The following ZFHX3 variants were observed in gnomAD, a reference collection of about 807,000 sequenced individuals.
ZFHX3 encodes zinc finger homeobox 3.
In ZFHX3, 42 loss-of-function variants were observed where a neutral mutation model predicts 279.1. The ratio of observed to expected loss-of-function variants is 0.15; its 90% CI spans 0.12 to 0.19. ZFHX3 has a LOEUF of 0.19. Among genes scored for constraint, ZFHX3 ranks in the 10% least tolerant of loss-of-function variants. The pLI is 1.00. For missense variants in ZFHX3, 4,981 were observed against 4,754.0 expected (o/e 1.05, Z -1.40); for synonymous variants, 2,293 against 1,957.8 (o/e 1.17, Z -4.52).
chr16:72,795,207 C>T lies in ZFHX3; in HGVS notation c.7475G>A (p.Cys2492Tyr), dbSNP rs1219548362. ...QPPPQAPPPQ[C>Y]PLPQSSPSPS... The stretch of plus-strand genomic sequence containing the variant: ...ACTGGGGCTCGACTGGGGTAAGGGG[C>T]ACTGTGGAGGGGGCGCTTGTGGAGG... The change falls in exon 9 of 10, where the codon TGC becomes TAC. Residue 2492 changes from cysteine to tyrosine, a missense_variant. Coordinates refer to ENST00000268489, the MANE Select transcript of ZFHX3 (RefSeq NM_006885.4). 1 of 1,605,990 alleles carries T rather than the reference C, an allele frequency of 6.2e-7. No homozygotes were observed. Among genetic ancestry groups the T allele is most frequent in the East Asian group, 2.2e-5 (1 of 44,786 alleles).
At chr16:73,523,302 T>C (rs955119380) in intron 2 of ZFHX3, among the ~76,000 whole-genome samples, 32 of 152,220 alleles carry the variant, frequency 2.1e-4, no homozygotes, top group Non-Finnish European at 3.1e-4. Flanking sequence ...TGAGATCTCT[T>C]CCCACTCCAA....
At chr16:73,698,071 A>C (rs2053214005) in intron 1 of ZFHX3, among the ~76,000 whole-genome samples, 1 of 152,172 alleles carries the variant, frequency 6.6e-6, no homozygotes, top group African/African-American at 2.4e-5. Flanking sequence ...AACATAGGAA[A>C]TGATAAAGTT....
At chr16:73,317,004 C>T (rs961003625) in intron 4 of ZFHX3, among the ~76,000 whole-genome samples, 1 of 152,280 alleles carries the variant, frequency 6.6e-6, no homozygotes, top group South Asian at 2.1e-4. Flanking sequence ...GACAGAGGAA[C>T]TTGGAGACTA....
intron 1 of ZFHX3, among the ~76,000 whole-genome samples, chr16:73,841,443 C>T (rs1961305104): frequency 6.6e-6 from 1 of 152,128 alleles, no homozygotes; most frequent in Non-Finnish European, 1.5e-5. Context: ...TCCAGGAAGA[C>T]ACCTGGGCTT....
At chr16:73,881,894 C>T (rs979699760) in intron 1 of ZFHX3, among the ~76,000 whole-genome samples, 1 of 152,082 alleles carries the variant, frequency 6.6e-6, no homozygotes, top group Non-Finnish European at 1.5e-5. Flanking sequence ...ACCTGCCCCG[C>T]AGCTCCCCTC....
chr16:73,548,143 G>A (rs1242926913), intron 2 of ZFHX3, among the ~76,000 whole-genome samples: 1 of 152,166 alleles, frequency 6.6e-6, no homozygotes, highest in African/African-American at 2.4e-5. Context: ...TAATTTTGTA[G>A]TTATCTAAAT....
At chr16:73,025,761 C>G (rs566629581) in intron 1 of ZFHX3, among the ~76,000 whole-genome samples, 1 of 152,254 alleles carries the variant, frequency 6.6e-6, no homozygotes, top group South Asian at 2.1e-4. Flanking sequence ...GGCCTGCTCT[C>G]CCTGTCTATA....
At position 73,180,314 on chromosome 16, in the gene ZFHX3, T is replaced by C. The variant is rs115955008; in HGVS notation, c.-1103-36483A>G. 3.8e-3 allele frequency among the ~76,000 whole-genome samples: 582 copies of C among 152,262 alleles called. 1 individual carries two copies. Among genetic ancestry groups the C allele is most frequent in the African/African-American group, 0.014 (561 of 41,548 alleles). ...AGGGCTCATACCCATTCACAAGGAA[T>C]CCTCTTATTTCATTCTTCTCTTTAT... On this transcript the variant is annotated intron_variant, in intron 5 of 17. Coordinates refer to the ZFHX3 transcript ENST00000641206.
At chr16:72,938,377 C>T (rs1295518434) in intron 3 of ZFHX3, among the ~76,000 whole-genome samples, 1 of 152,260 alleles carries the variant, frequency 6.6e-6, no homozygotes, top group African/African-American at 2.4e-5. Context: ...TAATTAGTCT[C>T]CCCTCAGCGG....
intron 5 of ZFHX3, among the ~76,000 whole-genome samples, chr16:72,817,520 G>A (rs2036647085): frequency 6.6e-6 from 1 of 152,098 alleles, no homozygotes; most frequent in Non-Finnish European, 1.5e-5. Flanking sequence ...CCAACATACT[G>A]GTAGAATTAG....
intron 5 of ZFHX3, among the ~76,000 whole-genome samples, chr16:73,206,011 A>G (rs1158847730): frequency 1.3e-5 from 2 of 152,226 alleles, no homozygotes; most frequent in Non-Finnish European, 2.9e-5. Flanking sequence ...TGAGGTTTTA[A>G]AAATGAACTT....
At chr16:73,098,601 A>G (rs1011062256) in intron 7 of ZFHX3, 3 of 152,194 alleles carry the variant, frequency 2.0e-5, no homozygotes, top group Non-Finnish European at 4.4e-5. Flanking sequence ...ACCTCAGGCG[A>G]TCCTCCTACC....
At chr16:72,876,994 A>T (rs2038331928) in intron 4 of ZFHX3, among the ~76,000 whole-genome samples, 1 of 152,218 alleles carries the variant, frequency 6.6e-6, no homozygotes, top group Admixed American at 6.5e-5. Flanking sequence ...ACTATTTCCC[A>T]ATTAGCCCTG....
intron 2 of ZFHX3, among the ~76,000 whole-genome samples, chr16:73,498,817 C>T (rs1487221129): frequency 1.3e-5 from 2 of 152,158 alleles, no homozygotes; most frequent in African/African-American, 4.8e-5. Flanking sequence ...GGGGCAACTA[C>T]TAAAAAGAGG....
chr16:72,852,747 T>A (rs1489113037), intron 4 of ZFHX3, among the ~76,000 whole-genome samples: 2 of 152,224 alleles, frequency 1.3e-5, no homozygotes, highest in Non-Finnish European at 2.9e-5. Context: ...TGTTGAATGC[T>A]CAAGAGTGGC....
chr16:73,849,256 T>C (rs897304252), intron 1 of ZFHX3, among the ~76,000 whole-genome samples: 7 of 152,224 alleles, frequency 4.6e-5, no homozygotes, highest in African/African-American at 7.2e-5. Context: ...ACTTCTGCTA[T>C]GAAGCCACAT....
At chr16:73,579,560 G>A (rs2051835622) in intron 2 of ZFHX3, among the ~76,000 whole-genome samples, 2 of 149,158 alleles carry the variant, frequency 1.3e-5, no homozygotes, top group African/African-American at 4.9e-5. Context: ...GGAGTGCAGT[G>A]GCGTGATCTT....
At chr16:73,210,655 C>G (rs2011979202) in intron 5 of ZFHX3, among the ~76,000 whole-genome samples, 1 of 151,830 alleles carries the variant, frequency 6.6e-6, no homozygotes, top group African/African-American at 2.4e-5. Flanking sequence ...TCAGCTAACC[C>G]TAATAACCTG....
intron 2 of ZFHX3, among the ~76,000 whole-genome samples, chr16:73,617,328 C>A (rs1567534125): frequency 6.6e-6 from 1 of 152,154 alleles, no homozygotes; most frequent in Non-Finnish European, 1.5e-5. Context: ...ATCAAAGGCA[C>A]TGAATATTTA....
Sources: gnomAD v4.1 joint callset for allele counts (sites outside exome capture counted in the v4.1 genomes callset) on GRCh38, gnomAD v4.1.1 for gene constraint, MANE v1.5 for transcripts, NCBI Gene and HGNC (gene_info 2026-07-23, HGNC 2026-07-21) for gene names.